The following LPP variants were observed in gnomAD, a reference collection of about 807,000 sequenced individuals.
LPP encodes lipoma-preferred partner.
Under a neutral mutation model 60.4 loss-of-function variants are expected in LPP, and 38 were observed. That is an observed-to-expected ratio of 0.63 (90% CI 0.49 to 0.83). The LOEUF is 0.83. Among genes scored for constraint, LPP ranks in the 40% least tolerant of loss-of-function variants. LPP has a pLI of 0.00. For synonymous variants in LPP, 328 were observed against 290.8 expected, an observed-to-expected ratio of 1.13 and a Z score of -1.30; for missense variants, 902 against 783.6, an observed-to-expected ratio of 1.15 and a Z score of -1.80.
chr3:188,300,454 A>ATT (rs34492581), intron 2 of LPP, among the ~76,000 whole-genome samples: 2,806 of 125,068 alleles, frequency 0.022, 58 homozygotes, highest in African/African-American at 0.053. Context: ...ACACTTGGCC[A>ATT]TTTTTTTTTT....
chr3:188,477,493 C>T (rs1803544526), intron 4 of LPP, among the ~76,000 whole-genome samples: 2 of 152,174 alleles, frequency 1.3e-5, no homozygotes, highest in Admixed American at 1.3e-4. Context: ...AACCAGTGCA[C>T]TGTAAATAGG....
chr3:188,509,392 C>T (rs1814537900), intron 5 of LPP, among the ~76,000 whole-genome samples: 1 of 152,156 alleles, frequency 6.6e-6, no homozygotes, highest in Admixed American at 6.5e-5. Flanking sequence ...GGTCAAACAT[C>T]ACATCCAGTT....
chr3:188,786,952 G>A (rs1742118863), intron 9 of LPP, among the ~76,000 whole-genome samples: 1 of 152,208 alleles, frequency 6.6e-6, no homozygotes, highest in South Asian at 2.1e-4. Context: ...ATTAGGAATT[G>A]GGGGTTTGGG....
At chr3:188,161,450 G>C (rs1289170438) in intron 1 of LPP, among the ~76,000 whole-genome samples, 1 of 152,144 alleles carries the variant, frequency 6.6e-6, no homozygotes, top group Non-Finnish European at 1.5e-5. Flanking sequence ...ATCTTGGCTG[G>C]GGAAAAGAAT....
At chr3:188,487,267 A>C (rs1049323409) in intron 5 of LPP, among the ~76,000 whole-genome samples, 10 of 152,368 alleles carry the variant, frequency 6.6e-5, no homozygotes, top group Admixed American at 1.3e-4. Flanking sequence ...TGAAAGGGCT[A>C]TACAAATATT....
At chr3:188,607,165 A>ACACACACACT (rs1242593405) in intron 6 of LPP, among the ~76,000 whole-genome samples, 64 of 125,468 alleles carry the variant, frequency 5.1e-4, no homozygotes, top group African/African-American at 1.9e-3. Context: ...ACACACACAC[A>ACACACACACT]CTATTTAAAC....
intron 3 of LPP, among the ~76,000 whole-genome samples, chr3:188,356,179 T>A (rs1269073786): frequency 6.6e-6 from 1 of 152,184 alleles, no homozygotes; most frequent in Non-Finnish European, 1.5e-5. Flanking sequence ...ATTTTTGAAT[T>A]TTTCTCAGCA....
At chr3:188,580,453 T>C (rs1335721998) in intron 6 of LPP, among the ~76,000 whole-genome samples, 1 of 152,236 alleles carries the variant, frequency 6.6e-6, no homozygotes, top group African/African-American at 2.4e-5. Context: ...GTACTTTCTT[T>C]CCTTCTCCTT....
intron 6 of LPP, among the ~76,000 whole-genome samples, chr3:188,583,236 G>A (rs1340711127): frequency 3.3e-5 from 5 of 152,196 alleles, no homozygotes; most frequent in Non-Finnish European, 5.9e-5. Context: ...TTTAGATGTT[G>A]CATACCTCTC....
At chr3:188,623,040 A>C (rs1275590619) in intron 7 of LPP, among the ~76,000 whole-genome samples, 1 of 124,488 alleles carries the variant, frequency 8.0e-6, no homozygotes, top group Non-Finnish European at 1.7e-5. Flanking sequence ...AAAAAAAAAA[A>C]AAAAAAAGAG....
intron 3 of LPP, among the ~76,000 whole-genome samples, chr3:188,403,249 C>T (rs765871469): frequency 6.6e-6 from 1 of 152,052 alleles, no homozygotes; most frequent in African/African-American, 2.4e-5. Context: ...TTATACTCTC[C>T]CAGAAATTGC....
intron 9 of LPP, among the ~76,000 whole-genome samples, chr3:188,815,128 A>G (rs1246868466): frequency 1.3e-5 from 2 of 152,348 alleles, no homozygotes; most frequent in East Asian, 1.9e-4. Flanking sequence ...TACTTGTCCA[A>G]TGGAAATGAC....
chr3:188,156,252 G>A (rs1177563838), intron 1 of LPP, among the ~76,000 whole-genome samples: 1 of 152,074 alleles, frequency 6.6e-6, no homozygotes, highest in Non-Finnish European at 1.5e-5. Context: ...TTGAGTGTAC[G>A]CAGAGGGAGG....
rs943065896 is a variant in LPP, at chr3:188,885,506, T to C, written c.*11027T>C. On this transcript the variant is annotated 3_prime_UTR_variant, in exon 12 of 12. Transcript: ENST00000617246. ...AAAAGTGCCTCACCTCCATGGTGTATATGTGCCACCTTTTCTTAATCCAGT... is the reference window on the plus strand; with the variant it reads ...AAAAGTGCCTCACCTCCATGGTGTACATGTGCCACCTTTTCTTAATCCAGT... 5 of 181,752 alleles carry C rather than the reference T, an allele frequency of 2.8e-5. No individual in the cohort carries two copies. Among genetic ancestry groups the C allele is most frequent in the Admixed American group, 6.3e-5 (1 of 15,966 alleles). 11.3% of individuals were successfully genotyped at this position (181,752 alleles called of 1,614,324 possible).
intron 9 of LPP, among the ~76,000 whole-genome samples, chr3:188,816,589 G>A (rs894794838): frequency 1.3e-5 from 2 of 152,026 alleles, no homozygotes; most frequent in African/African-American, 4.8e-5. Context: ...CTCCCTTCAT[G>A]TATGTTACAT....
intron 1 of LPP, among the ~76,000 whole-genome samples, chr3:188,223,929 A>G (rs1357718247): frequency 6.6e-6 from 1 of 152,156 alleles, no homozygotes; most frequent in Non-Finnish European, 1.5e-5. Context: ...GTCCTTGAAG[A>G]CCACTAGGTC....
At chr3:188,199,493 A>T (rs778461153) in intron 1 of LPP, among the ~76,000 whole-genome samples, 1 of 151,980 alleles carries the variant, frequency 6.6e-6, no homozygotes, top group Non-Finnish European at 1.5e-5. Flanking sequence ...GCCACAGGGT[A>T]TGCAGCAGGC....
chr3:188,680,783 A>G (rs1018218707), intron 7 of LPP, among the ~76,000 whole-genome samples: 1 of 152,150 alleles, frequency 6.6e-6, no homozygotes, highest in South Asian at 2.1e-4. Flanking sequence ...TGTTAGCAAA[A>G]AGGAGCTTCT....
chr3:188,226,867 G>C (rs1457982631), intron 2 of LPP, among the ~76,000 whole-genome samples: 1 of 152,188 alleles, frequency 6.6e-6, no homozygotes, highest in South Asian at 2.1e-4. Context: ...AAGTACAACT[G>C]ACTGTGTGCC....
Sources: allele counts gnomAD v4.1 joint callset (sites outside exome capture counted in the v4.1 genomes callset), GRCh38; gene constraint gnomAD v4.1.1; transcripts MANE v1.5; gene names NCBI Gene and HGNC (gene_info 2026-07-23, HGNC 2026-07-21).